Variants in STAT1 observed in about 807,000 individuals in gnomAD.
The protein encoded by STAT1 is signal transducer and activator of transcription 1.
A neutral mutation model predicts 111.7 loss-of-function variants in STAT1; 24 were observed. The observed-to-expected ratio is 0.21, with a 90% confidence interval of 0.16 to 0.30. The LOEUF (loss-of-function observed/expected upper bound fraction) is 0.30, where lower values mean the gene tolerates loss of function less well. STAT1 is among the 10% of genes least tolerant of loss of function. STAT1 has a pLI of 1.00. For missense variants in STAT1, 351 were observed against 911.9 expected (o/e 0.38, Z 7.92); for synonymous variants, 332 against 326.5 (o/e 1.02, Z -0.18).
chr2:190,972,652 A>T (rs1050818919), intron 24 of STAT1, among the ~76,000 whole-genome samples: 23 of 152,184 alleles, frequency 1.5e-4, no homozygotes, highest in Non-Finnish European at 2.6e-4. Flanking sequence ...ACCATTGTGA[A>T]GTCAACCCAA....
rs891113188 is a variant in STAT1 at position 190,999,542 on chromosome 2, T to C, written c.541+84A>G. 1.3e-4 allele frequency: 126 copies of C among 935,332 alleles called. No homozygotes were observed. The highest frequency in any genetic ancestry group is 2.1e-4 in the Non-Finnish European group (117 of 568,198). The allele number at this position is 935,332 out of a possible 1,614,324, so 57.9% of individuals were successfully genotyped here. ...TCAGAGTCATAAAATACTCGGCAAA[T>C]AGAAAGGAGTAATCATCTTCGTTAT... On this transcript the variant is annotated intron_variant, in intron 7 of 24. Transcript: ENST00000361099. This position sits in a 1 kb window ranked among gnomAD's most constrained non-coding sequence, Gnocchi z 4.1.
At position 190,973,457 on chromosome 2, in the gene STAT1, G is replaced by A. The variant is rs558522922; in HGVS notation, c.2238+1373C>T. ...GACTGAATGAGTTACTACCTGTGAA[G>A]TACATGGTATACTGTAGGTGCTTAA... On this transcript the variant is annotated intron_variant, in intron 24 of 24. Transcript: ENST00000361099. This position sits in a 1 kb window ranked among gnomAD's most constrained non-coding sequence, Gnocchi z 4.4. Among the ~76,000 whole-genome samples, 1 of 152,312 alleles carries A rather than the reference G, an allele frequency of 6.6e-6. No homozygotes were observed. Among genetic ancestry groups the A allele is most frequent in the South Asian group, 2.1e-4 (1 of 4,824 alleles).
rs781089031 is a variant in STAT1, at chr2:191,014,008, G to A, written c.-156+10C>T. The A allele has an allele frequency of 3.6e-4, 79 of 216,498 alleles. No homozygotes were observed. Among genetic ancestry groups the A allele is most frequent in the Non-Finnish European group, 6.5e-4 (72 of 110,504 alleles). The allele number at this position is 216,498 out of a possible 1,614,324, so 13.4% of individuals were successfully genotyped here. On this transcript the variant is annotated intron_variant, in intron 1 of 24. Coordinates refer to ENST00000361099, the MANE Select transcript of STAT1 (RefSeq NM_007315.4). ...CCACCCCCGGCACCCGGAACCTCAC[G>A]GCCACTCACTCTGCGCGCAGGATCC...
rs1177016678 is a variant in STAT1 at position 190,995,855 on chromosome 2, T to C, written c.786-636A>G. On this transcript the variant is annotated intron_variant, in intron 9 of 24. Coordinates refer to ENST00000361099, the MANE Select transcript of STAT1 (RefSeq NM_007315.4). This position sits in a 1 kb window ranked among gnomAD's most constrained non-coding sequence, Gnocchi z 4.2. ...TGAGGCCTATGTGAGGAGAGATGGG[T>C]GGAGGCAGGGCTTCTAGGTGATCTG... Among the ~76,000 whole-genome samples, 1 of 152,058 alleles carries C rather than the reference T, an allele frequency of 6.6e-6. No homozygotes were observed. Among genetic ancestry groups the C allele is most frequent in the Non-Finnish European group, 1.5e-5 (1 of 67,994 alleles).
At position 190,998,555 on chromosome 2, in the gene STAT1, G is replaced by A. The variant is rs767607715; in HGVS notation, c.542-247C>T. Among the ~76,000 whole-genome samples, 3 of 151,914 alleles carry A rather than the reference G, an allele frequency of 2.0e-5. No homozygotes were observed. Among genetic ancestry groups the A allele is most frequent in the African/African-American group, 4.8e-5 (2 of 41,372 alleles). On this transcript the variant is annotated intron_variant, in intron 7 of 24. Transcript: ENST00000361099. This position sits in a 1 kb window ranked among gnomAD's most constrained non-coding sequence, Gnocchi z 4.1. ...CAGACGCCTGTAGTCCCAGCTACTC[G>A]GGAGGCTGAGGCAGGAGAACAGCAT... is the stretch of plus-strand genomic sequence containing the variant.
rs549774353 is a variant in STAT1, at chr2:190,985,658, T to C, written c.1224A>G (p.Gln408=). 1.2e-6 allele frequency: 2 copies of C among 1,614,126 alleles called. No homozygotes were observed. Among genetic ancestry groups the C allele is most frequent in the Admixed American group, 1.7e-5 (1 of 60,026 alleles). The change falls in exon 15 of 25, where the codon CAA becomes CAG. Residue 408 remains glutamine (Q), a splice_region_variant and synonymous_variant. Transcript: ENST00000361099. The part of the protein sequence containing the change: ...GSLAAEFRHL[Q]LKEQKNAGTR... ...TGCCAGCATTTTTCTGTTCTTTCAATTGCTATAAAACAAATAATCATCTTA... is the reference window on the plus strand; with the variant it reads ...TGCCAGCATTTTTCTGTTCTTTCAACTGCTATAAAACAAATAATCATCTTA...
At chr2:190,988,541 G>T (rs187707543) in intron 12 of STAT1, among the ~76,000 whole-genome samples, 4 of 152,240 alleles carry the variant, frequency 2.6e-5, no homozygotes, top group Non-Finnish European at 5.9e-5. Context: ...ACCACACCTG[G>T]CTAATTTTTT....
chr2:191,010,052 A>T, intron 2 of STAT1, 48 bp from the exon 3 acceptor site: 1 of 1,607,254 alleles, frequency 6.2e-7, no homozygotes, highest in African/African-American at 1.3e-5. Flanking sequence ...TGGAAACCAT[A>T]GCTCCAAAGA....
intron 14 of STAT1, 30 bp from the exon 15 acceptor site, chr2:190,985,690 A>G (rs1692748741): frequency 6.2e-7 from 1 of 1,610,940 alleles, no homozygotes; most frequent in African/African-American, 1.3e-5. Flanking sequence ...CTTAGTAAAC[A>G]CCATGGTAAT....
chr2:190,994,908 C>T (rs1427281869), intron 10 of STAT1, among the ~76,000 whole-genome samples, 153 bp downstream of exon 10: 1 of 100,726 alleles, frequency 9.9e-6, no homozygotes, highest in Non-Finnish European at 1.8e-5. Context: ...AGGTGAGACT[C>T]TATCTCAAAA....
intron 10 of STAT1, 136 bp downstream of exon 10, chr2:190,994,925 A>ATATAT (rs1553496728): frequency 3.9e-4 from 39 of 99,512 alleles, no homozygotes; most frequent in African/African-American, 2.4e-3. Context: ...AAAAAAAAAA[A>ATATAT]AAATATATAT....
In STAT1 at chr2:190,978,718, C is replaced by G. The variant is rs935152665; in HGVS notation, c.1873+138G>C. On this transcript the variant is annotated intron_variant, in intron 21 of 24. Transcript: ENST00000361099. This position sits in a 1 kb window ranked among gnomAD's most constrained non-coding sequence, Gnocchi z 6.1. ...TTTGTGGTGGTTTATTAAATCCTAT[C>G]GGGGGCTCATTTGGGGTAAGTATAA... 9.4e-6 allele frequency: 10 copies of G among 1,067,394 alleles called. No individual in the cohort carries two copies. In the South Asian group the frequency reaches 1.4e-4, roughly 15 times the overall value. The allele number at this position is 1,067,394 out of a possible 1,614,324, so 66.1% of individuals were successfully genotyped here.
Position 190,970,852 on chromosome 2 carries a change from A to G in STAT1, c.2239-135T>C. On this transcript the variant is annotated intron_variant, in intron 24 of 24. Coordinates refer to ENST00000361099, the MANE Select transcript of STAT1 (RefSeq NM_007315.4). This position sits in a 1 kb window ranked among gnomAD's most constrained non-coding sequence, Gnocchi z 5.4. ...TGCAATGGCAAATAAATACCGTGGA[A>G]TAAGAGGGCCTTCAGCATGTACTAT... 1 of 831,402 alleles carries G rather than the reference A, an allele frequency of 1.2e-6. No homozygotes were observed. 51.5% of individuals were successfully genotyped at this position (831,402 alleles called of 1,614,324 possible). A position where few individuals can be genotyped will look rare whatever the true frequency, so the allele number is the denominator to read the frequency against.
At position 190,997,970 on chromosome 2, in the gene STAT1, G is replaced by A. The variant is rs1693978877; in HGVS notation, c.671C>T (p.Thr224Ile). 1 of 1,614,236 alleles carries A rather than the reference G, an allele frequency of 6.2e-7. No individual in the cohort carries two copies. Among genetic ancestry groups the A allele is most frequent in the Non-Finnish European group, 8.5e-7 (1 of 1,180,048 alleles). ...VHKIIELLNV[T>I]ELTQNALIND... The stretch of plus-strand genomic sequence containing the variant: ...AATCAGGGCATTCTGGGTAAGTTCA[G>A]TGACATTCAGCAACTCTATTATTTT... The change falls in exon 9 of 25, where the codon ACT becomes ATT. Residue 224 changes from threonine to isoleucine, a missense_variant. Coordinates refer to ENST00000361099, the MANE Select transcript of STAT1 (RefSeq NM_007315.4). The surrounding 1 kb of genome is among the most constrained non-coding windows in gnomAD (Gnocchi z 7.3).
rs542576569 is a variant in STAT1, at chr2:191,007,962, T to G, written c.274-301A>C. 243 of 484,030 alleles carry G rather than the reference T, an allele frequency of 5.0e-4. No homozygotes were observed. The highest frequency in any genetic ancestry group is 2.1e-3 in the African/African-American group (109 of 51,308). The allele number at this position is 484,030 out of a possible 1,614,324, so 30.0% of individuals were successfully genotyped here. A position where few individuals can be genotyped will look rare whatever the true frequency, so the allele number is the denominator to read the frequency against. On this transcript the variant is annotated intron_variant, in intron 4 of 24. Transcript: ENST00000361099. This position sits in a 1 kb window ranked among gnomAD's most constrained non-coding sequence, Gnocchi z 4.2. ...TCTTTCCATATTTCTTAAGGCCAAT[T>G]ATCTTTGGTTAGGATCCCGAGACAA...
chr2:190,978,692 ATTTGTGGTGGT>A lies in STAT1; in HGVS notation c.1873+153_1873+163del. 1 of 869,474 alleles carries A rather than the reference ATTTGTGGTGGT, an allele frequency of 1.2e-6. No individual in the cohort carries two copies. Among genetic ancestry groups the A allele is most frequent in the African/African-American group, 1.7e-5 (1 of 60,310 alleles). 53.9% of individuals were successfully genotyped at this position (869,474 alleles called of 1,614,324 possible). On this transcript the variant is annotated intron_variant, in intron 21 of 24. Coordinates refer to ENST00000361099, the MANE Select transcript of STAT1 (RefSeq NM_007315.4). This position sits in a 1 kb window ranked among gnomAD's most constrained non-coding sequence, Gnocchi z 6.1. ...CAGAGAGTGAACCACAACCACAAACATTTGTGGTGGTTTATTAAATCCTATCGGGGGCTCAT... is the reference window on the plus strand; with the variant it reads ...CAGAGAGTGAACCACAACCACAAACATTATTAAATCCTATCGGGGGCTCAT...
chr2:190,992,766 C>A, intron 10 of STAT1: 4 of 668,164 alleles, frequency 6.0e-6, no homozygotes, highest in Non-Finnish European at 9.1e-6. Flanking sequence ...CATCATGGAA[C>A]ACAGTTCTAC....
rs1574663961 is a variant in STAT1, at chr2:191,000,964, A to G, written c.462+110T>C. ...GACTTCTGCAAAATTTTTCTTCCCA[A>G]CTACTTAAAAGACTGAACTCAGTTA... On this transcript the variant is annotated intron_variant, in intron 6 of 24. Transcript: ENST00000361099. The surrounding 1 kb of genome is among the most constrained non-coding windows in gnomAD (Gnocchi z 4.8). The G allele has an allele frequency of 1.1e-6, 1 of 932,224 alleles. No individual in the cohort carries two copies. 57.7% of individuals were successfully genotyped at this position (932,224 alleles called of 1,614,324 possible).
In STAT1 at chr2:191,001,158, C is replaced by A. The variant is rs778997004; in HGVS notation, c.378G>T (p.Gln126His). The change falls in exon 6 of 25, where the codon CAG becomes CAT. Residue 126 changes from glutamine to histidine, a missense_variant. By Grantham distance (24) the Gln-to-His change is conservative (BLOSUM62 0). This residue lies in a region of STAT1 where 20 missense variants were observed against 18.4 expected (regional missense o/e 1.09). Transcript: ENST00000361099. ...TCACTGTGCTCTGAATATTCCCCGA[C>A]TGAGCCTGTAATGGGAAGGGCATGA... ...LENAQRFNQA[Q>H]SGNIQSTVML... 4 of 1,613,736 alleles carry A rather than the reference C, an allele frequency of 2.5e-6. No individual in the cohort carries two copies. Among genetic ancestry groups the A allele is most frequent in the Non-Finnish European group, 2.5e-6 (3 of 1,179,646 alleles).
Sources: allele counts gnomAD v4.1 joint callset (sites outside exome capture counted in the v4.1 genomes callset), GRCh38; gene constraint gnomAD v4.1.1; regional missense constraint gnomAD v4.1.1; non-coding constraint Gnocchi (gnomAD v3.1); transcripts MANE v1.5; gene names NCBI Gene and HGNC (gene_info 2026-07-23, HGNC 2026-07-21).